DYNC2LI1: variants seen among roughly 807,000 people sequenced by gnomAD.
DYNC2LI1 encodes cytoplasmic dynein 2 light intermediate chain 1.
A neutral mutation model predicts 51.9 loss-of-function variants in DYNC2LI1; 45 were observed. The ratio of observed to expected loss-of-function variants is 0.87; its 90% CI spans 0.68 to 1.11. The LOEUF (loss-of-function observed/expected upper bound fraction) is 1.11. Ranked by LOEUF, DYNC2LI1 falls within the 50% of genes most tolerant of loss-of-function variation. The probability of loss-of-function intolerance (pLI) is 0.00; values close to 1 mark genes in which losing one functional copy is unlikely to be tolerated. For missense variants in DYNC2LI1, 490 were observed against 417.4 expected, an observed-to-expected ratio of 1.17 and a Z score of -1.51; for synonymous variants, 130 against 137.8, an observed-to-expected ratio of 0.94 and a Z score of 0.40.
intron 12 of DYNC2LI1, among the ~76,000 whole-genome samples, chr2:43,808,833 A>C (rs1666370489): frequency 6.6e-6 from 1 of 152,114 alleles, no homozygotes; most frequent in South Asian, 2.1e-4. Context: ...ATCAGTCCTT[A>C]CTGGGGGACA....
chr2:43,821,100 C>T, the DYNC2LI1 span, among the ~76,000 whole-genome samples: 1 of 152,064 alleles, frequency 6.6e-6, no homozygotes, highest in South Asian at 2.1e-4. Flanking sequence ...GTAGAGTAAG[C>T]AAAAAATGTT....
In DYNC2LI1 at chr2:43,794,708, C is replaced by G. The variant is rs748843775; in HGVS notation, c.507+65C>G. 8.1e-6 allele frequency: 13 copies of G among 1,611,006 alleles called. No individual in the cohort carries two copies. The South Asian group carries it at 1.3e-4, about 16-fold the overall frequency. On this transcript the variant is annotated intron_variant, in intron 6 of 12. Transcript: ENST00000260605. ...CCATTTATAGTTAATGATAACATCA[C>G]AAACAACTTCTTTAGATTTTTATGC... is the stretch of plus-strand genomic sequence containing the variant.
intron 1 of DYNC2LI1, among the ~76,000 whole-genome samples, chr2:43,776,566 A>G (rs1673034132): frequency 6.6e-6 from 1 of 152,194 alleles, no homozygotes; most frequent in Admixed American, 6.5e-5. Context: ...CTGCTTATCA[A>G]TTTCAGTATT....
At chr2:43,798,456 G>C (rs971473162) in intron 8 of DYNC2LI1, among the ~76,000 whole-genome samples, 1 of 151,850 alleles carries the variant, frequency 6.6e-6, no homozygotes, top group Admixed American at 6.6e-5. Context: ...AGGGTACAGA[G>C]GTAAAGATCT....
chr2:43,778,740 C>G (rs892086747), intron 2 of DYNC2LI1, among the ~76,000 whole-genome samples: 1 of 152,126 alleles, frequency 6.6e-6, no homozygotes, highest in African/African-American at 2.4e-5. Flanking sequence ...CCTCTTAGCG[C>G]TCTCTGTAAC....
In DYNC2LI1 at chr2:43,788,618, TTTC is replaced by T. The variant is rs1673632888; in HGVS notation, c.232-1012_232-1010del. On this transcript the variant is annotated intron_variant, in intron 4 of 12. Coordinates refer to ENST00000260605, the MANE Select transcript of DYNC2LI1 (RefSeq NM_016008.4). ...TTATGGAATCAGTGGTCCTTTTTCT[TTTC>T]TTTTCTTTTTCTTTCGGAGACAAGG... 2.6e-5 allele frequency among the ~76,000 whole-genome samples: 4 copies of T among 152,226 alleles called. No homozygotes were observed. The South Asian group carries it at 8.3e-4, about 32-fold the overall frequency.
chr2:43,785,859 C>A (rs1673501920), intron 3 of DYNC2LI1, among the ~76,000 whole-genome samples: 1 of 151,858 alleles, frequency 6.6e-6, no homozygotes, highest in South Asian at 2.1e-4. Context: ...TATGGAGTTT[C>A]AGTTTTGTGA....
At chr2:43,798,296 C>A (rs1047546883) in intron 8 of DYNC2LI1, among the ~76,000 whole-genome samples, 2 of 152,090 alleles carry the variant, frequency 1.3e-5, no homozygotes, top group Non-Finnish European at 2.9e-5. Context: ...CCTTTCAAAA[C>A]ATTACACATT....
chr2:43,774,279 C>T, intron 1 of DYNC2LI1, 133 bp downstream of exon 1: 1 of 1,200,926 alleles, frequency 8.3e-7, no homozygotes, highest in Non-Finnish European at 1.2e-6. Flanking sequence ...GGTCGGGGAC[C>T]TAGGAATCAG....
Position 43,783,552 on chromosome 2 carries a change from C to T in DYNC2LI1, c.159C>T (p.Asp53=). The T allele has an allele frequency of 1.3e-6, 2 of 1,529,432 alleles. No homozygotes were observed. The highest frequency in any genetic ancestry group is 1.8e-6 in the Non-Finnish European group (2 of 1,142,784). 94.7% of individuals were successfully genotyped at this position (1,529,432 alleles called of 1,614,324 possible). The part of the protein sequence containing the change: ...GKTTIILRCL[D]RDEPPKPTLA... ...CTACTATTATTCTAAGGTGTCTTGACAGGTAAGTGTTATGTTAACCTTTAA... is the reference window on the plus strand; with the variant it reads ...CTACTATTATTCTAAGGTGTCTTGATAGGTAAGTGTTATGTTAACCTTTAA... The change falls in exon 3 of 13, where the codon GAC becomes GAT. Residue 53 remains aspartate, a splice_region_variant and synonymous_variant. Coordinates refer to ENST00000260605, the MANE Select transcript of DYNC2LI1 (RefSeq NM_016008.4).
At chr2:43,783,424 G>T (rs1673383972) in intron 2 of DYNC2LI1, 96 bp from the exon 3 acceptor site, 5 of 929,242 alleles carry the variant, frequency 5.4e-6, no homozygotes, top group Admixed American at 2.8e-5. Context: ...TCATTCAATT[G>T]ATTAAAAATC....
rs1673961884 is a variant in DYNC2LI1, at chr2:43,794,836, ATCT to A, written c.507+198_507+200del. The A allele has an allele frequency of 2.1e-6, 3 of 1,447,032 alleles. No individual in the cohort carries two copies. In the Admixed American group the frequency reaches 8.3e-5, roughly 40 times the overall value. 89.6% of individuals were successfully genotyped at this position (1,447,032 alleles called of 1,614,324 possible). On this transcript the variant is annotated intron_variant, in intron 6 of 12. Coordinates refer to ENST00000260605, the MANE Select transcript of DYNC2LI1 (RefSeq NM_016008.4). ...CAAAACAAGGAAGAAGATTCCTTAT[ATCT>A]TCTTGTTAGACATCTTCTGTGATTG...
rs1025447 is a variant in DYNC2LI1 at position 43,795,831 on chromosome 2, T to C, written c.508-59T>C. On this transcript the variant is annotated intron_variant, in intron 6 of 12. Transcript: ENST00000260605. ...GAATGTTTTTGGAAGTAAATAGAAATTGCTAAGCACCTAGCAATAAAGAAT... is the reference window on the plus strand; with the variant it reads ...GAATGTTTTTGGAAGTAAATAGAAACTGCTAAGCACCTAGCAATAAAGAAT... The C allele has an allele frequency of 0.17, 220,459 of 1,307,256 alleles. 19,843 individuals carry two copies. Among genetic ancestry groups the C allele is most frequent in the Middle Eastern group, 0.23 (1,260 of 5,434 alleles). 81.0% of individuals were successfully genotyped at this position (1,307,256 alleles called of 1,614,324 possible).
At chr2:43,811,163 G>T (rs929960793), downstream of DYNC2LI1, among the ~76,000 whole-genome samples, 2 of 152,082 alleles carry the variant, frequency 1.3e-5, no homozygotes, top group African/African-American at 2.4e-5. Context: ...AGGTTCCTGT[G>T]GGACTCTCTT....
the DYNC2LI1 span, among the ~76,000 whole-genome samples, chr2:43,818,106 A>G: frequency 6.6e-6 from 1 of 152,206 alleles, no homozygotes; most frequent in Non-Finnish European, 1.5e-5. Flanking sequence ...AATGTAATTT[A>G]TTGAATCCTG....
chr2:43,790,987 A>C (rs1673755465), intron 5 of DYNC2LI1, among the ~76,000 whole-genome samples: 1 of 152,148 alleles, frequency 6.6e-6, no homozygotes, highest in South Asian at 2.1e-4. Flanking sequence ...GGCCAGAGCC[A>C]GTGGATCACT....
chr2:43,782,547 TAAAA>T (rs779034508), intron 2 of DYNC2LI1, among the ~76,000 whole-genome samples: 1 of 127,404 alleles, frequency 7.8e-6, no homozygotes, highest in African/African-American at 2.9e-5. Flanking sequence ...GTCTTTTCTT[TAAAA>T]AAAAAAAAAA....
At chr2:43,819,018 G>C in the DYNC2LI1 span, among the ~76,000 whole-genome samples, 1 of 152,190 alleles carries the variant, frequency 6.6e-6, no homozygotes, top group South Asian at 2.1e-4. Context: ...GCAAAGTCAA[G>C]TCTGAGCTTC....
intron 8 of DYNC2LI1, among the ~76,000 whole-genome samples, chr2:43,798,066 G>C (rs898971373): frequency 6.6e-6 from 1 of 151,820 alleles, no homozygotes; most frequent in Non-Finnish European, 1.5e-5. Context: ...GGTCAAGGCT[G>C]CAGTGAACCA....
Sources: gnomAD v4.1 joint callset for allele counts (sites outside exome capture counted in the v4.1 genomes callset) on GRCh38, gnomAD v4.1.1 for gene constraint, MANE v1.5 for transcripts, NCBI Gene and HGNC (gene_info 2026-07-23, HGNC 2026-07-21) for gene names.